The following ZC3H12B variants were observed in gnomAD, a reference collection of about 807,000 sequenced individuals.
ZC3H12B encodes zinc finger CCCH-type containing 12B, also known as probable ribonuclease ZC3H12B.
ZC3H12B carries 7 observed loss-of-function variants against 43.9 expected under a neutral mutation model. The observed-to-expected ratio is 0.16, with a 90% CI of 0.09 to 0.30. The LOEUF is 0.30. Among genes scored for constraint, ZC3H12B ranks in the 10% least tolerant of loss-of-function variants. The pLI is 1.00. For missense variants in ZC3H12B, 475 were observed against 670.2 expected (o/e 0.71, Z 3.22); for synonymous variants, 222 against 241.7 (o/e 0.92, Z 0.76).
intron 3 of ZC3H12B, among the ~76,000 whole-genome samples, chrX:65,455,825 A>C (rs2148162034): frequency 8.9e-6 from 1 of 112,220 alleles, no homozygotes; most frequent in South Asian, 3.7e-4. Context: ...CCAATATTCA[A>C]CATTCTTAAA....
At chrX:65,064,245 G>A in the ZC3H12B span, among the ~76,000 whole-genome samples, 2 of 111,456 alleles carry the variant, frequency 1.8e-5, no homozygotes, top group Non-Finnish European at 3.8e-5. Flanking sequence ...TGTGATGTTA[G>A]GGTGTTGATT....
At chrX:65,237,111 G>A in the ZC3H12B span, among the ~76,000 whole-genome samples, 10 of 111,872 alleles carry the variant, frequency 8.9e-5, no homozygotes, top group Admixed American at 6.6e-4. Context: ...AGTGGGAATA[G>A]CATTGGATGT....
At chrX:65,467,164 T>C (rs1310369395) in intron 3 of ZC3H12B, among the ~76,000 whole-genome samples, 1 of 105,994 alleles carries the variant, frequency 9.4e-6, no homozygotes, top group African/African-American at 3.4e-5. Flanking sequence ...TGCATACCCA[T>C]AGCTTAGCTC....
chrX:65,133,664 A>G, the ZC3H12B span, among the ~76,000 whole-genome samples: 3 of 110,927 alleles, frequency 2.7e-5, no homozygotes, highest in Non-Finnish European at 5.7e-5. Context: ...AAAGGATTAT[A>G]GGGTGGGAGA....
At chrX:65,187,861 T>A in the ZC3H12B span, among the ~76,000 whole-genome samples, 1 of 110,812 alleles carries the variant, frequency 9.0e-6, no homozygotes, top group Non-Finnish European at 1.9e-5. Context: ...TTGTTGACTG[T>A]AGCCACCTTG....
At chrX:65,152,920 G>A in the ZC3H12B span, among the ~76,000 whole-genome samples, 1 of 111,347 alleles carries the variant, frequency 9.0e-6, no homozygotes, top group Non-Finnish European at 1.9e-5. Flanking sequence ...GCCCTCAGAA[G>A]TAATGCCACA....
At chrX:65,117,767 G>A in the ZC3H12B span, among the ~76,000 whole-genome samples, 2 of 111,732 alleles carry the variant, frequency 1.8e-5, no homozygotes, top group African/African-American at 6.5e-5. Flanking sequence ...TCCATTTTCA[G>A]CTTTCTACAT....
chrX:65,292,786 A>C, the ZC3H12B span, among the ~76,000 whole-genome samples: 1 of 110,963 alleles, frequency 9.0e-6, no homozygotes, highest in South Asian at 3.8e-4. Flanking sequence ...GGAGTTTGAG[A>C]CCAGCCTGAG....
intron 3 of ZC3H12B, among the ~76,000 whole-genome samples, chrX:65,436,484 C>G (rs2067223404): frequency 8.9e-6 from 1 of 112,437 alleles, no homozygotes; most frequent in Non-Finnish European, 1.9e-5. Context: ...CCTTCCTCAG[C>G]CCACCAATTT....
upstream of ZC3H12B, chrX:65,488,676 C>A: frequency 1.2e-6 from 1 of 857,549 alleles, no homozygotes; most frequent in Non-Finnish European, 1.6e-6. Flanking sequence ...TACCAAACCA[C>A]ACAGTCAAAC....
chrX:65,453,436 C>T (rs909669086), intron 3 of ZC3H12B, among the ~76,000 whole-genome samples: 3 of 85,468 alleles, frequency 3.5e-5, no homozygotes, highest in Non-Finnish European at 4.4e-5. Context: ...TGCAAAGGAA[C>T]GAGACCAGGT....
chrX:65,172,147 C>T, the ZC3H12B span, among the ~76,000 whole-genome samples: 3 of 112,236 alleles, frequency 2.7e-5, no homozygotes, highest in Non-Finnish European at 5.6e-5. Context: ...CCTATTTGGC[C>T]ATCTTGGAAC....
At chrX:65,402,241 A>G (rs2066771909) in intron 3 of ZC3H12B, among the ~76,000 whole-genome samples, 1 of 111,855 alleles carries the variant, frequency 8.9e-6, no homozygotes, top group African/African-American at 3.3e-5. Flanking sequence ...TTTGGAAAGG[A>G]GAAGGAAGAG....
chrX:65,389,432 A>T (rs781418042), intron 2 of ZC3H12B, among the ~76,000 whole-genome samples: 3 of 112,643 alleles, frequency 2.7e-5, no homozygotes, highest in African/African-American at 9.7e-5. Context: ...GGACTCTCCA[A>T]GCCAGGCACG....
the ZC3H12B span, among the ~76,000 whole-genome samples, chrX:65,236,319 T>TC: frequency 8.9e-6 from 1 of 112,342 alleles, no homozygotes; most frequent in East Asian, 2.8e-4. Context: ...AGCTTTTTTT[T>TC]CATATGTTTC....
At chrX:65,329,010 C>A in the ZC3H12B span, among the ~76,000 whole-genome samples, 6 of 110,494 alleles carry the variant, frequency 5.4e-5, no homozygotes, top group African/African-American at 1.7e-4. Context: ...AATAAACATA[C>A]ATGTGCATGT....
At chrX:65,455,543 A>G (rs1313921370) in intron 3 of ZC3H12B, among the ~76,000 whole-genome samples, 2 of 112,370 alleles carry the variant, frequency 1.8e-5, no homozygotes, top group Admixed American at 9.4e-5. Flanking sequence ...ACCAAGTTGG[A>G]AAACACTCTG....
At chrX:65,179,406 TA>T in the ZC3H12B span, among the ~76,000 whole-genome samples, 9,622 of 100,086 alleles carry the variant, frequency 0.096, 1,204 homozygotes, top group African/African-American at 0.33. Context: ...TAAAGTTATT[TA>T]AAAAAAAAAA....
chrX:65,086,509 T>C, the ZC3H12B span, among the ~76,000 whole-genome samples: 1 of 111,798 alleles, frequency 8.9e-6, no homozygotes, highest in Admixed American at 9.5e-5. Context: ...ATCCATATGT[T>C]GAAACCTAAT....
Sources: allele counts gnomAD v4.1 joint callset (sites outside exome capture counted in the v4.1 genomes callset), GRCh38; gene constraint gnomAD v4.1.1; transcripts MANE v1.5; gene names NCBI Gene and HGNC (gene_info 2026-07-23, HGNC 2026-07-21).